Variants in PRKCA observed in about 807,000 individuals in gnomAD.
The protein encoded by PRKCA is protein kinase C alpha, also known as protein kinase C alpha type.
PRKCA carries 27 observed loss-of-function variants against 87.0 expected under a neutral mutation model. The observed-to-expected ratio is 0.31, with a 90% CI of 0.23 to 0.43. The LOEUF is 0.43. Ranked by LOEUF, PRKCA falls within the 20% of genes least tolerant of loss-of-function variation. The pLI is 1.00. For missense variants in PRKCA, 518 were observed against 852.3 expected (o/e 0.61, Z 4.88); for synonymous variants, 329 against 311.1 (o/e 1.06, Z -0.61).
At chr17:66,580,419 G>C (rs1265509965) in intron 3 of PRKCA, among the ~76,000 whole-genome samples, 3 of 152,142 alleles carry the variant, frequency 2.0e-5, no homozygotes, top group African/African-American at 4.8e-5. Flanking sequence ...CTGGCACTGG[G>C]GGCTGGCTGG....
intron 8 of PRKCA, among the ~76,000 whole-genome samples, chr17:66,694,439 C>G (rs912527655): frequency 2.1e-5 from 3 of 140,662 alleles, no homozygotes; most frequent in Non-Finnish European, 3.0e-5. Flanking sequence ...TGAGATCGTG[C>G]CACTGCACTC....
intron 3 of PRKCA, among the ~76,000 whole-genome samples, chr17:66,532,426 T>C (rs1967584760): frequency 6.6e-6 from 1 of 151,630 alleles, no homozygotes; most frequent in Middle Eastern, 3.4e-3. Flanking sequence ...AGTGCAGTGG[T>C]GCGATCTTGG....
intron 3 of PRKCA, among the ~76,000 whole-genome samples, chr17:66,577,603 C>G (rs1410223450): frequency 6.6e-6 from 1 of 152,196 alleles, no homozygotes; most frequent in Non-Finnish European, 1.5e-5. Flanking sequence ...TGCACTTCGG[C>G]TCTGGTTACG....
Position 66,706,513 on chromosome 17 carries a change from GGCA to G in PRKCA, c.918+17467_918+17469del, listed in dbSNP as rs540106984. On this transcript the variant is annotated intron_variant, in intron 8 of 16. Transcript: ENST00000413366. ...AAAAAATTAGCCAGGCATGATGGCAGGCACCTGTAGTCCCAGCTGGAGGCTGAG... is the reference window on the plus strand; with the variant it reads ...AAAAAATTAGCCAGGCATGATGGCAGCCTGTAGTCCCAGCTGGAGGCTGAG... Among the ~76,000 whole-genome samples the G allele has an allele frequency of 1.6e-4, 24 of 151,824 alleles. No individual in the cohort carries two copies. In the East Asian group the frequency reaches 4.1e-3, roughly 26 times the overall value.
At chr17:66,667,311 C>T (rs1458404872) in intron 5 of PRKCA, among the ~76,000 whole-genome samples, 1 of 152,190 alleles carries the variant, frequency 6.6e-6, no homozygotes, top group Non-Finnish European at 1.5e-5. Context: ...TCCGTTCTTA[C>T]ACTGCTAATA....
intron 2 of PRKCA, among the ~76,000 whole-genome samples, chr17:66,450,731 C>T (rs1054595648): frequency 2.6e-5 from 4 of 152,156 alleles, no homozygotes; most frequent in African/African-American, 4.8e-5. Flanking sequence ...AGGTAATTAC[C>T]GCAAAAGCTG....
At chr17:66,435,267 T>G (rs1469773227) in intron 2 of PRKCA, among the ~76,000 whole-genome samples, 4 of 152,226 alleles carry the variant, frequency 2.6e-5, no homozygotes, top group Admixed American at 6.5e-5. Flanking sequence ...CCCACTTAAG[T>G]TGCTATCACA....
At position 66,542,036 on chromosome 17, in the gene PRKCA, G is replaced by C. The variant is rs538520021; in HGVS notation, c.288+45753G>C. ...AGGCAATTGCAGAGTCCTGAAGCTC[G>C]TGTTGCGGTTATTATGGTTCTATAT... On this transcript the variant is annotated intron_variant, in intron 3 of 16. Coordinates refer to ENST00000413366, the MANE Select transcript of PRKCA (RefSeq NM_002737.3). 2.8e-4 allele frequency among the ~76,000 whole-genome samples: 42 copies of C among 152,280 alleles called. 1 individual carries two copies. Among genetic ancestry groups the C allele is most frequent in the East Asian group, 7.7e-4 (4 of 5,182 alleles).
At chr17:66,535,488 C>T (rs1017820835) in intron 3 of PRKCA, among the ~76,000 whole-genome samples, 2 of 152,210 alleles carry the variant, frequency 1.3e-5, no homozygotes, top group African/African-American at 4.8e-5. Context: ...AATTCCCCCA[C>T]CCCTGCTGCC....
intron 13 of PRKCA, among the ~76,000 whole-genome samples, chr17:66,749,449 C>G (rs1974381650): frequency 6.6e-6 from 1 of 152,166 alleles, no homozygotes; most frequent in African/African-American, 2.4e-5. Context: ...TGGGGAGGCC[C>G]CCTGCCCTGG....
chr17:66,569,747 TCG>T (rs1969014723), intron 3 of PRKCA, among the ~76,000 whole-genome samples: 1 of 152,010 alleles, frequency 6.6e-6, no homozygotes, highest in African/African-American at 2.4e-5. Context: ...TCACCAGCAG[TCG>T]TAAGAAAGAA....
rs753363009 is a variant in PRKCA at position 66,444,717 on chromosome 17, G to A, written c.206-51484G>A. Among the ~76,000 whole-genome samples the A allele has an allele frequency of 3.3e-5, 5 of 152,212 alleles. No homozygotes were observed. In the South Asian group the frequency reaches 6.2e-4, roughly 19 times the overall value. On this transcript the variant is annotated intron_variant, in intron 2 of 16. Coordinates refer to ENST00000413366, the MANE Select transcript of PRKCA (RefSeq NM_002737.3). ...GAATTTCGGGGAGAATCTTCCCCTC[G>A]TTGTCTGCCTGTGTAAGAGTTAATT...
At chr17:66,734,695 G>T (rs1030870710) in intron 9 of PRKCA, among the ~76,000 whole-genome samples, 2 of 152,156 alleles carry the variant, frequency 1.3e-5, no homozygotes, top group African/African-American at 4.8e-5. Flanking sequence ...TCCTGGGAAT[G>T]CGGCCCAGCA....
chr17:66,393,668 G>A (rs544568099), intron 2 of PRKCA, among the ~76,000 whole-genome samples: 28 of 152,070 alleles, frequency 1.8e-4, no homozygotes, highest in East Asian at 9.8e-4. Flanking sequence ...GTGTGTGTGC[G>A]CCGTCAAATG....
chr17:66,449,049 C>T (rs1567834671), intron 2 of PRKCA, among the ~76,000 whole-genome samples: 1 of 150,398 alleles, frequency 6.6e-6, no homozygotes, highest in African/African-American at 2.4e-5. Context: ...CTTTGGAATG[C>T]TGAGGTGGGA....
At chr17:66,644,060 A>G (rs1014133004) in intron 4 of PRKCA, among the ~76,000 whole-genome samples, 3 of 152,212 alleles carry the variant, frequency 2.0e-5, no homozygotes, top group Admixed American at 6.5e-5. Context: ...CCGGACACTT[A>G]AAGACATGAT....
intron 8 of PRKCA, among the ~76,000 whole-genome samples, chr17:66,700,033 A>G: frequency 6.6e-6 from 1 of 152,238 alleles, no homozygotes; most frequent in Non-Finnish European, 1.5e-5. Flanking sequence ...CAATATATCC[A>G]ATGAACAGAG....
chr17:66,393,422 C>CACAT (rs894085960), intron 2 of PRKCA, among the ~76,000 whole-genome samples: 3 of 152,146 alleles, frequency 2.0e-5, no homozygotes, highest in Non-Finnish European at 4.4e-5. Flanking sequence ...CACACACACA[C>CACAT]ATCACATTTG....
chr17:66,447,723 C>T (rs1676303678), intron 2 of PRKCA, among the ~76,000 whole-genome samples: 1 of 152,230 alleles, frequency 6.6e-6, no homozygotes, highest in African/African-American at 2.4e-5. Flanking sequence ...CCAACAGCCT[C>T]CAGGGCCCCC....
Sources: gnomAD v4.1 joint callset for allele counts (sites outside exome capture counted in the v4.1 genomes callset) on GRCh38, gnomAD v4.1.1 for gene constraint, MANE v1.5 for transcripts, NCBI Gene and HGNC (gene_info 2026-07-23, HGNC 2026-07-21) for gene names.